Variants in TEAD1 observed in about 807,000 individuals in gnomAD.
TEAD1 encodes the protein TEA domain transcription factor 1.
A neutral mutation model predicts 54.9 loss-of-function variants in TEAD1; 9 were observed. That is an observed-to-expected ratio of 0.16 (90% CI 0.10 to 0.29). TEAD1 has a LOEUF of 0.29. TEAD1 is among the 10% of genes least tolerant of loss of function. The probability of loss-of-function intolerance (pLI) is 1.00; values close to 1 mark genes in which losing one functional copy is unlikely to be tolerated. For synonymous variants in TEAD1, 200 were observed against 187.8 expected (o/e 1.07, Z -0.53); for missense variants, 387 against 535.9 (o/e 0.72, Z 2.74).
intron 3 of TEAD1, among the ~76,000 whole-genome samples, chr11:12,783,725 G>A (rs1305813503): frequency 6.6e-6 from 1 of 152,186 alleles, no homozygotes; most frequent in Non-Finnish European, 1.5e-5. Flanking sequence ...CAAAGTGGAA[G>A]AGAGAGAAAG....
chr11:12,759,655 G>A lies in TEAD1; in HGVS notation c.-54-4524G>A, dbSNP rs1029401243. Among the ~76,000 whole-genome samples the A allele has an allele frequency of 3.3e-5, 5 of 152,180 alleles. No individual in the cohort carries two copies. In the East Asian group the frequency reaches 9.6e-4, roughly 29 times the overall value. The stretch of plus-strand genomic sequence containing the variant: ...AGGTGGGCGGATTATGAGGTCAGGA[G>A]TTCGAGACCAGCCTGGCCAACATGG... On this transcript the variant is annotated intron_variant, in intron 2 of 12. Coordinates refer to ENST00000527636, the MANE Select transcript of TEAD1 (RefSeq NM_021961.6).
At chr11:12,902,695 AT>A (rs1407640891) in intron 10 of TEAD1, among the ~76,000 whole-genome samples, 5 of 151,660 alleles carry the variant, frequency 3.3e-5, no homozygotes, top group South Asian at 2.1e-4. Flanking sequence ...CTTTACACAC[AT>A]TTTTTTTTAA....
chr11:12,839,810 G>A (rs1352922709), intron 3 of TEAD1, among the ~76,000 whole-genome samples: 3 of 152,074 alleles, frequency 2.0e-5, no homozygotes, highest in Non-Finnish European at 4.4e-5. Flanking sequence ...GTGTAGTAGG[G>A]GACTATATGA....
chr11:12,749,440 T>A (rs527863819), intron 2 of TEAD1, among the ~76,000 whole-genome samples: 1 of 151,516 alleles, frequency 6.6e-6, no homozygotes, highest in Non-Finnish European at 1.5e-5. Context: ...TAAAGAAATT[T>A]GTGTGTGTGT....
At chr11:12,881,102 A>G in intron 7 of TEAD1, 51 bp downstream of exon 7, 1 of 1,583,370 alleles carries the variant, frequency 6.3e-7, no homozygotes, top group Non-Finnish European at 8.7e-7. Flanking sequence ...GTCCCAGCCC[A>G]CGTGGGGAGA....
At chr11:12,826,903 T>A (rs1369929539) in intron 3 of TEAD1, among the ~76,000 whole-genome samples, 2 of 152,182 alleles carry the variant, frequency 1.3e-5, no homozygotes, top group East Asian at 3.9e-4. Context: ...ATTGAAAGAT[T>A]GGCAGCAAAT....
chr11:12,718,494 C>T (rs1944111794), intron 2 of TEAD1, among the ~76,000 whole-genome samples: 1 of 152,172 alleles, frequency 6.6e-6, no homozygotes, highest in Non-Finnish European at 1.5e-5. Context: ...CTCTGGGTAT[C>T]CTTCCTCCAG....
chr11:12,805,236 A>G (rs1946144962), intron 3 of TEAD1, among the ~76,000 whole-genome samples: 1 of 152,224 alleles, frequency 6.6e-6, no homozygotes, highest in Admixed American at 6.5e-5. Context: ...GACACATGCT[A>G]GTAATGAAGG....
At chr11:12,703,212 C>T (rs1286280814) in intron 2 of TEAD1, among the ~76,000 whole-genome samples, 1 of 152,124 alleles carries the variant, frequency 6.6e-6, no homozygotes, top group African/African-American at 2.4e-5. Flanking sequence ...TTTGTCACTT[C>T]CTAAATGTGC....
chr11:12,926,737 G>A (rs995110213), intron 11 of TEAD1, among the ~76,000 whole-genome samples: 2 of 152,176 alleles, frequency 1.3e-5, no homozygotes, highest in Admixed American at 6.5e-5. Flanking sequence ...AGGATAAGTA[G>A]AGGGAGACAT....
chr11:12,710,755 G>A (rs1943919783), intron 2 of TEAD1, among the ~76,000 whole-genome samples: 1 of 152,156 alleles, frequency 6.6e-6, no homozygotes, highest in African/African-American at 2.4e-5. Context: ...GTCATGAAGA[G>A]CGTGACCGGT....
At chr11:12,906,631 C>T (rs973756873) in intron 10 of TEAD1, among the ~76,000 whole-genome samples, 3 of 151,962 alleles carry the variant, frequency 2.0e-5, no homozygotes, top group Non-Finnish European at 2.9e-5. Context: ...TAAAATCCAG[C>T]GTTGGAATTT....
chr11:12,714,881 G>A (rs954924794), intron 2 of TEAD1, among the ~76,000 whole-genome samples: 2 of 152,074 alleles, frequency 1.3e-5, no homozygotes, highest in African/African-American at 2.4e-5. Context: ...GTCACACTCG[G>A]TTAGGGCCCA....
intron 3 of TEAD1, among the ~76,000 whole-genome samples, chr11:12,791,424 T>C (rs555040136): frequency 7.2e-5 from 11 of 152,342 alleles, no homozygotes; most frequent in African/African-American, 2.6e-4. Context: ...GATTAATTCC[T>C]GATCTGAGGG....
At chr11:12,840,148 G>A (rs1314404517) in intron 3 of TEAD1, among the ~76,000 whole-genome samples, 8 of 151,018 alleles carry the variant, frequency 5.3e-5, no homozygotes, top group African/African-American at 1.9e-4. Context: ...TTGGGAGGCT[G>A]AGGCAGAAGA....
At chr11:12,727,210 A>G (rs1944330073) in intron 2 of TEAD1, among the ~76,000 whole-genome samples, 1 of 152,248 alleles carries the variant, frequency 6.6e-6, no homozygotes, top group Non-Finnish European at 1.5e-5. Context: ...ATTGCACTCC[A>G]GCCTGGCGAC....
intron 10 of TEAD1, among the ~76,000 whole-genome samples, chr11:12,905,535 T>C (rs1382262492): frequency 1.3e-5 from 2 of 152,242 alleles, no homozygotes; most frequent in Non-Finnish European, 2.9e-5. Context: ...TAAATTCGGT[T>C]TGCAATTTGA....
At chr11:12,912,861 T>C (rs1166278187) in intron 10 of TEAD1, among the ~76,000 whole-genome samples, 2 of 152,112 alleles carry the variant, frequency 1.3e-5, no homozygotes, top group African/African-American at 4.8e-5. Flanking sequence ...CCTAAAAGAC[T>C]TTCTGTCCTG....
chr11:12,941,712 T>A lies in TEAD1; in HGVS notation c.*4490T>A, dbSNP rs1949164275. On this transcript the variant is annotated 3_prime_UTR_variant, in exon 13 of 13. Transcript: ENST00000527636. Reference sequence around the variant, plus strand: ...CTGTGGCAAAGCCCTGCACATGGCATTTCTGAAAAGCCTTAAATCTTTAAG... The same window carrying A: ...CTGTGGCAAAGCCCTGCACATGGCAATTCTGAAAAGCCTTAAATCTTTAAG... The A allele has an allele frequency of 6.5e-6, 1 of 152,672 alleles. No homozygotes were observed. The highest frequency in any genetic ancestry group is 2.4e-5 in the African/African-American group (1 of 41,476). The allele number at this position is 152,672 out of a possible 1,614,324, so 9.5% of individuals were successfully genotyped here. A position where few individuals can be genotyped will look rare whatever the true frequency, so the allele number is the denominator to read the frequency against.
Sources: allele counts gnomAD v4.1 joint callset (sites outside exome capture counted in the v4.1 genomes callset), GRCh38; gene constraint gnomAD v4.1.1; transcripts MANE v1.5; gene names NCBI Gene and HGNC (gene_info 2026-07-23, HGNC 2026-07-21).